ST7: variants seen among roughly 807,000 people sequenced by gnomAD.
ST7 encodes suppression of tumorigenicity 7.
In ST7, 28 loss-of-function variants were observed where a neutral mutation model predicts 78.7. The ratio of observed to expected loss-of-function variants is 0.36; its 90% CI spans 0.26 to 0.49. The LOEUF is 0.49. ST7 is among the 20% of genes least tolerant of loss of function. The pLI is 0.99. For synonymous variants in ST7, 247 were observed against 249.6 expected (o/e 0.99, Z 0.10); for missense variants, 418 against 696.0 (o/e 0.60, Z 4.49).
chr7:117,093,472 G>A (rs777222358), intron 1 of ST7, among the ~76,000 whole-genome samples: 1 of 152,158 alleles, frequency 6.6e-6, no homozygotes, highest in Non-Finnish European at 1.5e-5. Context: ...GAGGCTGAGT[G>A]GGGTGGATCA....
intron 12 of ST7, among the ~76,000 whole-genome samples, chr7:117,196,624 C>CTTTTTTTTTTTTTTT (rs56133709): frequency 6.7e-5 from 4 of 59,518 alleles, no homozygotes; most frequent in African/African-American, 2.0e-4. Context: ...GATTGTTGGG[C>CTTTTTTTTTTTTTTT]TTTTTTTTTT....
At chr7:117,114,078 A>T (rs991982779) in intron 2 of ST7, among the ~76,000 whole-genome samples, 2 of 152,174 alleles carry the variant, frequency 1.3e-5, no homozygotes, top group African/African-American at 4.8e-5. Context: ...AGGCGGGTGG[A>T]AGGGCAGAGT....
At chr7:117,187,095 T>C (rs1809331230) in intron 10 of ST7, among the ~76,000 whole-genome samples, 1 of 152,118 alleles carries the variant, frequency 6.6e-6, no homozygotes, top group African/African-American at 2.4e-5. Context: ...TTCTTTAGAG[T>C]GATTCATCCC....
intron 3 of ST7, among the ~76,000 whole-genome samples, chr7:117,128,638 T>C (rs1804072470): frequency 6.6e-6 from 1 of 151,842 alleles, no homozygotes; most frequent in African/African-American, 2.4e-5. Context: ...TTTTAACAAA[T>C]ATTTGTTGAG....
At chr7:117,067,284 T>C (rs1798689881) in intron 1 of ST7, among the ~76,000 whole-genome samples, 1 of 152,060 alleles carries the variant, frequency 6.6e-6, no homozygotes, top group African/African-American at 2.4e-5. Flanking sequence ...GATCATGTGA[T>C]AACTCTATCA....
intron 1 of ST7, among the ~76,000 whole-genome samples, chr7:116,984,669 T>C (rs1794114317): frequency 6.6e-6 from 1 of 152,192 alleles, no homozygotes; most frequent in Non-Finnish European, 1.5e-5. Flanking sequence ...TTTTAATAAC[T>C]TTCTTACCCT....
At chr7:117,196,525 C>A (rs1477348403) in intron 12 of ST7, among the ~76,000 whole-genome samples, 3 of 150,782 alleles carry the variant, frequency 2.0e-5, no homozygotes, top group African/African-American at 7.3e-5. Context: ...TGATGTTGAG[C>A]ATCTTTTCAT....
At chr7:117,134,059 AG>A (rs781353687) in intron 6 of ST7, 64 bp from the exon 7 acceptor site, 19 of 1,595,050 alleles carry the variant, frequency 1.2e-5, no homozygotes, top group Non-Finnish European at 1.5e-5. Flanking sequence ...GAAATGACAT[AG>A]TGACTCTCTC....
At chr7:117,000,220 A>G (rs924283626) in intron 1 of ST7, among the ~76,000 whole-genome samples, 1 of 152,098 alleles carries the variant, frequency 6.6e-6, no homozygotes, top group African/African-American at 2.4e-5. Context: ...GCTGCAAACT[A>G]CCCTCAAAAT....
At chr7:117,150,996 T>C (rs1806195337) in intron 9 of ST7, among the ~76,000 whole-genome samples, 1 of 152,208 alleles carries the variant, frequency 6.6e-6, no homozygotes, top group South Asian at 2.1e-4. Flanking sequence ...CCTCATTGGC[T>C]TTACTGCCAA....
At chr7:117,084,825 A>G (rs1404393721) in intron 1 of ST7, among the ~76,000 whole-genome samples, 6 of 152,214 alleles carry the variant, frequency 3.9e-5, no homozygotes, top group Non-Finnish European at 8.8e-5. Flanking sequence ...AAAGTTTTAA[A>G]AATTTCTCAG....
intron 1 of ST7, chr7:117,072,418 A>G (rs549525453): frequency 1.3e-5 from 2 of 152,336 alleles, no homozygotes; most frequent in South Asian, 4.1e-4. Flanking sequence ...ACAACGACCT[A>G]CATCATTGTT....
intron 1 of ST7, among the ~76,000 whole-genome samples, chr7:117,073,480 A>G (rs1799122951): frequency 1.3e-5 from 2 of 152,216 alleles, no homozygotes; most frequent in Admixed American, 1.3e-4. Context: ...GAAGGTCCAC[A>G]ATTATTGAAT....
chr7:117,030,647 A>T (rs1796429026), intron 1 of ST7, among the ~76,000 whole-genome samples: 1 of 152,202 alleles, frequency 6.6e-6, no homozygotes, highest in African/African-American at 2.4e-5. Context: ...ATACCATCTC[A>T]TACCAGTCAG....
At chr7:117,106,616 CT>C (rs758855564) in intron 2 of ST7, among the ~76,000 whole-genome samples, 2,843 of 107,736 alleles carry the variant, frequency 0.026, 14 homozygotes, top group East Asian at 0.053. Context: ...TTGTATCATT[CT>C]TTTTTTTTTT....
At chr7:117,092,107 C>A (rs924135400) in intron 1 of ST7, among the ~76,000 whole-genome samples, 1 of 151,840 alleles carries the variant, frequency 6.6e-6, no homozygotes, top group African/African-American at 2.4e-5. Context: ...ATGTCCCACC[C>A]ACATTCAAGG....
At chr7:117,194,189 C>A (rs1418525836) in intron 12 of ST7, among the ~76,000 whole-genome samples, 1 of 152,200 alleles carries the variant, frequency 6.6e-6, no homozygotes, top group Non-Finnish European at 1.5e-5. Context: ...ATAGGCTCAT[C>A]ATTACCAACA....
intron 1 of ST7, among the ~76,000 whole-genome samples, chr7:117,036,637 A>C (rs1266921288): frequency 6.6e-6 from 1 of 152,166 alleles, no homozygotes; most frequent in Non-Finnish European, 1.5e-5. Context: ...AGAGAAAGGA[A>C]GCAGGGACAG....
rs535097472 is a variant in ST7 at position 116,993,399 on chromosome 7, T to C, written c.151+39708T>C. On this transcript the variant is annotated intron_variant, in intron 1 of 15. Transcript: ENST00000323984. Reference sequence around the variant, plus strand: ...AAGATGCAAAAACGGAAACCCCTGATAGAACCATCGTATCTCGTAAGACTT... The same window carrying C: ...AAGATGCAAAAACGGAAACCCCTGACAGAACCATCGTATCTCGTAAGACTT... Among the ~76,000 whole-genome samples, 73 of 152,262 alleles carry C rather than the reference T, an allele frequency of 4.8e-4. 1 individual carries two copies. The highest frequency in any genetic ancestry group is 1.6e-3 in the African/African-American group (65 of 41,558).
Sources: gnomAD v4.1 joint callset for allele counts (sites outside exome capture counted in the v4.1 genomes callset) on GRCh38, gnomAD v4.1.1 for gene constraint, MANE v1.5 for transcripts, NCBI Gene and HGNC (gene_info 2026-07-23, HGNC 2026-07-21) for gene names.